CSMD1: variants seen among roughly 807,000 people sequenced by gnomAD.
CSMD1 encodes CUB and Sushi multiple domains 1, also known as CUB and sushi domain-containing protein 1.
CSMD1 carries 213 observed loss-of-function variants against 417.5 expected under a neutral mutation model. The observed-to-expected ratio is 0.51, with a 90% CI of 0.46 to 0.57. CSMD1 has a LOEUF of 0.57. Among genes scored for constraint, CSMD1 ranks in the 20% least tolerant of loss-of-function variants. The pLI is 0.00. For missense variants in CSMD1, 6,923 were observed against 4,529.7 expected, an observed-to-expected ratio of 1.53 and a Z score of -15.17; for synonymous variants, 2,862 against 1,736.8, an observed-to-expected ratio of 1.65 and a Z score of -16.11.
intron 11 of CSMD1, among the ~76,000 whole-genome samples, chr8:3,484,558 A>C (rs1209832105): frequency 6.6e-6 from 1 of 152,212 alleles, no homozygotes; most frequent in Non-Finnish European, 1.5e-5. Flanking sequence ...CAGCAAAAGC[A>C]CTGGCCTTTA....
chr8:4,429,434 T>C (rs772539442), intron 2 of CSMD1, among the ~76,000 whole-genome samples: 11 of 152,136 alleles, frequency 7.2e-5, no homozygotes, highest in Non-Finnish European at 1.6e-4. Flanking sequence ...CACACAATGT[T>C]TTGTGAACAG....
chr8:4,769,547 T>C (rs1029933126), intron 1 of CSMD1, among the ~76,000 whole-genome samples: 11 of 152,232 alleles, frequency 7.2e-5, no homozygotes, highest in African/African-American at 2.7e-4. Flanking sequence ...AAAATACCTA[T>C]GTCACCAAAC....
At chr8:4,910,946 T>A (rs1036521015) in intron 1 of CSMD1, among the ~76,000 whole-genome samples, 17 of 152,268 alleles carry the variant, frequency 1.1e-4, no homozygotes, top group Admixed American at 1.0e-3. Context: ...CCCATGCTGT[T>A]CTCACCTAGT....
intron 25 of CSMD1, among the ~76,000 whole-genome samples, chr8:3,306,294 A>G (rs924729): frequency 0.9 from 137,594 of 152,294 alleles, 62,465 homozygotes; most frequent in Middle Eastern, 0.96. Flanking sequence ...CTGCCTCAGT[A>G]TCCTGAGTAG....
intron 2 of CSMD1, among the ~76,000 whole-genome samples, chr8:4,439,523 TA>T (rs199928871): frequency 0.059 from 8,960 of 152,216 alleles, 421 homozygotes; most frequent in Non-Finnish European, 0.077. Context: ...CATATATGCA[TA>T]CATTTGAAAA....
intron 3 of CSMD1, among the ~76,000 whole-genome samples, chr8:4,320,358 C>G (rs887717747): frequency 6.6e-6 from 1 of 151,482 alleles, no homozygotes; most frequent in Non-Finnish European, 1.5e-5. Flanking sequence ...ACAAATAAAC[C>G]TTTTTTATTA....
chr8:3,838,653 T>C (rs1258031569), intron 5 of CSMD1, among the ~76,000 whole-genome samples: 1 of 119,630 alleles, frequency 8.4e-6, no homozygotes. Context: ...TATTATATAG[T>C]ATAATATATA....
intron 1 of CSMD1, among the ~76,000 whole-genome samples, chr8:4,808,419 G>C (rs924249557): frequency 6.6e-6 from 1 of 152,136 alleles, no homozygotes; most frequent in African/African-American, 2.4e-5. Flanking sequence ...GAAAAAGACG[G>C]AAACATGGAT....
At chr8:3,358,780 A>G (rs749685739) in intron 21 of CSMD1, among the ~76,000 whole-genome samples, 1 of 152,062 alleles carries the variant, frequency 6.6e-6, no homozygotes, top group Non-Finnish European at 1.5e-5. Flanking sequence ...CTTTTAATCA[A>G]TGCAATTGTC....
rs77469797 is a variant in CSMD1, at chr8:3,126,177, G to C, written c.6242-7590C>G. ...GCTCATTTCTTCATTCATGAAAGGA[G>C]ACTAAATATACCCATCTATACAAGG... On this transcript the variant is annotated intron_variant, in intron 41 of 69. Transcript: ENST00000635120. Among the ~76,000 whole-genome samples, 1,291 of 152,228 alleles carry C rather than the reference G, an allele frequency of 8.5e-3. 21 individuals carry two copies. Among genetic ancestry groups the C allele is most frequent in the African/African-American group, 0.029 (1,225 of 41,530 alleles).
chr8:4,164,002 A>C (rs1797312492), intron 3 of CSMD1, among the ~76,000 whole-genome samples: 1 of 152,190 alleles, frequency 6.6e-6, no homozygotes, highest in Admixed American at 6.5e-5. Context: ...AATCGTGAGG[A>C]GAAATTAAAT....
At chr8:3,882,848 C>G (rs1160235694) in intron 5 of CSMD1, among the ~76,000 whole-genome samples, 2 of 152,120 alleles carry the variant, frequency 1.3e-5, no homozygotes, top group Non-Finnish European at 2.9e-5. Flanking sequence ...CTGTCAGAAG[C>G]CAAGAGAATG....
At chr8:4,202,956 G>T (rs1339840191) in intron 3 of CSMD1, among the ~76,000 whole-genome samples, 1 of 152,082 alleles carries the variant, frequency 6.6e-6, no homozygotes, top group Non-Finnish European at 1.5e-5. Flanking sequence ...TTGCAGTTGT[G>T]GGAGGAGAAC....
intron 1 of CSMD1, among the ~76,000 whole-genome samples, chr8:4,887,626 A>G (rs1157430516): frequency 2.6e-5 from 4 of 151,680 alleles, no homozygotes. Context: ...GTTTTGCTTT[A>G]TTTTCAATAT....
At chr8:4,008,340 G>T (rs1416526151) in intron 4 of CSMD1, among the ~76,000 whole-genome samples, 2 of 151,758 alleles carry the variant, frequency 1.3e-5, no homozygotes, top group Non-Finnish European at 2.9e-5. Context: ...TATAATGGAA[G>T]CTCCTTTTAT....
chr8:3,438,983 T>A (rs968964513), intron 12 of CSMD1, among the ~76,000 whole-genome samples: 1 of 150,366 alleles, frequency 6.7e-6, no homozygotes, highest in Non-Finnish European at 1.5e-5. Flanking sequence ...GGCATGGTAG[T>A]GGGCACCTGT....
At chr8:3,038,723 A>C (rs1810869080) in intron 50 of CSMD1, among the ~76,000 whole-genome samples, 1 of 152,158 alleles carries the variant, frequency 6.6e-6, no homozygotes. Flanking sequence ...ATTCTTTCCT[A>C]ATTGCCCTAA....
At chr8:3,305,207 C>T (rs773383497) in intron 25 of CSMD1, among the ~76,000 whole-genome samples, 3 of 152,066 alleles carry the variant, frequency 2.0e-5, no homozygotes, top group Non-Finnish European at 2.9e-5. Flanking sequence ...TAGAAACATG[C>T]CTTCATAGAT....
chr8:3,032,241 T>C (rs557366108), intron 50 of CSMD1, among the ~76,000 whole-genome samples: 4 of 152,056 alleles, frequency 2.6e-5, no homozygotes, highest in African/African-American at 9.6e-5. Context: ...TTTTTAAGAA[T>C]GATAGGTAGA....
Sources: gnomAD v4.1 joint callset for allele counts (sites outside exome capture counted in the v4.1 genomes callset) on GRCh38, gnomAD v4.1.1 for gene constraint, MANE v1.5 for transcripts, NCBI Gene and HGNC (gene_info 2026-07-23, HGNC 2026-07-21) for gene names.